Variants in MMP9 observed in about 807,000 individuals in gnomAD.
MMP9 encodes matrix metalloproteinase-9.
MMP9 carries 73 observed loss-of-function variants against 76.4 expected under a neutral mutation model. The ratio of observed to expected loss-of-function variants is 0.96; its 90% confidence interval spans 0.79 to 1.16. The LOEUF (loss-of-function observed/expected upper bound fraction) is 1.16. MMP9 is among the 50% of genes most tolerant of loss of function. The pLI is 0.00. For synonymous variants in MMP9, 412 were observed against 408.4 expected, an observed-to-expected ratio of 1.01 and a Z score of -0.11; for missense variants, 943 against 973.0, an observed-to-expected ratio of 0.97 and a Z score of 0.41.
rs200290639 is a variant in MMP9 at position 46,014,352 on chromosome 20, C to A, written c.1902-19C>A. On this transcript the variant is annotated intron_variant, in intron 11 of 12. Coordinates refer to ENST00000372330, the MANE Select transcript of MMP9 (RefSeq NM_004994.3). ...CCGCTAGCCGGCTCAGCACCTGTCTCCTCCGCGCCTGCCCGCAGGTTCGAC... is the reference window on the plus strand; with the variant it reads ...CCGCTAGCCGGCTCAGCACCTGTCTACTCCGCGCCTGCCCGCAGGTTCGAC... 70 of 1,545,544 alleles carry A rather than the reference C, an allele frequency of 4.5e-5. No homozygotes were observed. Among genetic ancestry groups the A allele is most frequent in the Non-Finnish European group, 5.0e-5 (57 of 1,146,884 alleles).
At chr20:46,014,088 G>A (rs1323980017) in intron 10 of MMP9, 36 bp from the exon 11 acceptor site, 2 of 1,533,936 alleles carry the variant, frequency 1.3e-6, no homozygotes, top group Non-Finnish European at 1.7e-6. Context: ...TGCTCCCTCT[G>A]CGCCCCCAAA....
In MMP9 at chr20:46,012,506, CATGTACCCT is replaced by C; in HGVS notation, c.1262_1270del (p.Pro421_Tyr423del). On this transcript the variant is annotated inframe_deletion, in exon 8 of 13. Coordinates refer to ENST00000372330, the MANE Select transcript of MMP9 (RefSeq NM_004994.3). ...ATCATTCCTCAGTGCCGGAGGCGCTCATGTACCCTATGTACCGCTTCACTGAGGGGCCCC... is the reference window on the plus strand; with the variant it reads ...ATCATTCCTCAGTGCCGGAGGCGCTCATGTACCGCTTCACTGAGGGGCCCC... 1.9e-6 allele frequency: 3 copies of C among 1,614,020 alleles called. No homozygotes were observed. Among genetic ancestry groups the C allele is most frequent in the Non-Finnish European group, 1.7e-6 (2 of 1,179,872 alleles).
Position 46,010,472 on chromosome 20 carries a change from T to TTA in MMP9, c.372-10_372-9dup, listed in dbSNP as rs1176654466. On this transcript the variant is annotated splice_polypyrimidine_tract_variant and intron_variant, in intron 2 of 12. Coordinates refer to ENST00000372330, the MANE Select transcript of MMP9 (RefSeq NM_004994.3). ...ACTTCTGACCTCCTTCCTCTGGCTC[T>TTA]TACGCTACAGGATCCAAAACTACTC... 33 of 1,613,904 alleles carry TTA rather than the reference T, an allele frequency of 2.0e-5. No individual in the cohort carries two copies. The Admixed American group carries it at 3.3e-4, about 16-fold the overall frequency.
Position 46,010,204 on chromosome 20 carries a change from A to G in MMP9, c.371+106A>G, listed in dbSNP as rs1352232605. On this transcript the variant is annotated intron_variant, in intron 2 of 12. Transcript: ENST00000372330. ...CTTGGACGCGTCCCTGGGTTTCACT[A>G]TTTAATGTGTGGCCCCTGGGGAGTG... 3.7e-6 allele frequency: 4 copies of G among 1,090,772 alleles called. No individual in the cohort carries two copies. In the African/African-American group the frequency reaches 4.7e-5, roughly 13 times the overall value. The allele number at this position is 1,090,772 out of a possible 1,614,324, so 67.6% of individuals were successfully genotyped here.
In MMP9 at chr20:46,013,339, C is replaced by A; in HGVS notation, c.1415C>A (p.Pro472His). 6.2e-7 allele frequency: 1 copy of A among 1,613,236 alleles called. No individual in the cohort carries two copies. The highest frequency in any genetic ancestry group is 8.5e-7 in the Non-Finnish European group (1 of 1,179,510). Residue 472 changes from proline (P) to histidine (H), a missense_variant, in exon 9 of 13, where the codon CCC becomes CAC. Pro to His is a moderately conservative substitution (Grantham distance 77). Coordinates refer to ENST00000372330, the MANE Select transcript of MMP9 (RefSeq NM_004994.3). The surrounding 1 kb of genome is among the most constrained non-coding windows in gnomAD (Gnocchi z 4.5). ...TAPPTVCPTG[P>H]PTVHPSERPT... Reference sequence around the variant, plus strand: ...CCCCCGACGGTCTGCCCCACCGGACCCCCCACTGTCCACCCCTCAGAGCGC... The same window carrying A: ...CCCCCGACGGTCTGCCCCACCGGACACCCCACTGTCCACCCCTCAGAGCGC...
intron 12 of MMP9, 90 bp from the exon 13 acceptor site, chr20:46,016,160 C>A: frequency 1.6e-6 from 2 of 1,220,604 alleles, no homozygotes; most frequent in Non-Finnish European, 2.4e-6. Context: ...CTAGAAATGG[C>A]AGAAGAGATG....
In MMP9 at chr20:46,009,020, C is replaced by A. The variant is rs756942448; in HGVS notation, c.94C>A (p.Pro32Thr). Residue 32 changes from proline (P) to threonine (T), a missense_variant, in exon 1 of 13, where the codon CCT becomes ACT. By Grantham distance (38) the Pro-to-Thr change is conservative (BLOSUM62 -1). Transcript: ENST00000372330. ...GCGCCAGTCCACCCTTGTGCTCTTC[C>A]CTGGAGACCTGAGAACCAATCTCAC... ...RQRQSTLVLF[P>T]GDLRTNLTDR... The A allele has an allele frequency of 6.2e-7, 1 of 1,613,930 alleles. No individual in the cohort carries two copies. Among genetic ancestry groups the A allele is most frequent in the Non-Finnish European group, 8.5e-7 (1 of 1,179,960 alleles).
chr20:46,011,324 AG>A lies in MMP9; in HGVS notation c.823+13del, dbSNP rs750974957. 7.5e-6 allele frequency: 12 copies of A among 1,599,644 alleles called. No individual in the cohort carries two copies. In the South Asian group the frequency reaches 1.2e-4, roughly 16 times the overall value. ...GCTTCTGCCCCAGCGAGAGTGAGTG[AG>A]GGGGCTCGCCGAGGGCTGGGGGCGC... On this transcript the variant is annotated intron_variant, in intron 5 of 12. Coordinates refer to ENST00000372330, the MANE Select transcript of MMP9 (RefSeq NM_004994.3).
At chr20:46,009,763 G>A (rs540502908) in intron 1 of MMP9, 103 bp from the exon 2 acceptor site, 21 of 1,034,294 alleles carry the variant, frequency 2.0e-5, no homozygotes, top group Non-Finnish European at 2.7e-5. Context: ...AAAAGAAAAA[G>A]AAAAAAGACT....
At position 46,011,880 on chromosome 20, in the gene MMP9, C is replaced by T. The variant is rs961822277; in HGVS notation, c.997+133C>T. Reference sequence around the variant, plus strand: ...CTCAGGACGACCGTGACTCCGCCCACCTACACCACATTTCCACCACTATCC... The same window carrying T: ...CTCAGGACGACCGTGACTCCGCCCATCTACACCACATTTCCACCACTATCC... On this transcript the variant is annotated intron_variant, in intron 6 of 12. Transcript: ENST00000372330. The T allele has an allele frequency of 7.0e-5, 82 of 1,169,642 alleles. 1 individual carries two copies. The Admixed American group carries it at 1.6e-3, about 23-fold the overall frequency. The allele number at this position is 1,169,642 out of a possible 1,614,324, so 72.5% of individuals were successfully genotyped here.
chr20:46,010,991 G>A lies in MMP9; in HGVS notation c.590G>A (p.Gly197Asp). Reference protein sequence around the residue: ...LLAHAFPPGPGIQGDAHFDDD... With the variant: ...LLAHAFPPGPDIQGDAHFDDD... ...GCACACGCCTTTCCTCCTGGCCCCG[G>A]CATTCAGGGAGACGCCCATTTCGAC... is the stretch of plus-strand genomic sequence containing the variant. Residue 197 changes from glycine to aspartate, a missense_variant, in exon 4 of 13, where the codon GGC (glycine) becomes GAC (aspartate). Transcript: ENST00000372330. The A allele has an allele frequency of 6.2e-7, 1 of 1,614,158 alleles. No homozygotes were observed. Among genetic ancestry groups the A allele is most frequent in the Non-Finnish European group, 8.5e-7 (1 of 1,180,044 alleles).
At chr20:46,010,321 CAA>C (rs58031394) in intron 2 of MMP9, among the ~76,000 whole-genome samples, 160 bp from the exon 3 acceptor site, 50 of 62,482 alleles carry the variant, frequency 8.0e-4, no homozygotes, top group South Asian at 4.8e-3. Context: ...TCTAAGTAGA[CAA>C]AAAAAAAAAA....
chr20:46,014,962 C>T (rs2084309776), intron 12 of MMP9, among the ~76,000 whole-genome samples: 1 of 152,206 alleles, frequency 6.6e-6, no homozygotes, highest in Non-Finnish European at 1.5e-5. Context: ...AACAAGATTT[C>T]CTGCCACCAA....
intron 5 of MMP9, 75 bp downstream of exon 5, chr20:46,011,391 C>T (rs1207822402): frequency 1.3e-6 from 2 of 1,577,764 alleles, no homozygotes; most frequent in African/African-American, 2.7e-5. Context: ...TCCAGCTCTG[C>T]CACTAGTGCT....
In MMP9 at chr20:46,012,427, G is replaced by A. The variant is rs763938898; in HGVS notation, c.1175G>A (p.Gly392Glu). 2.5e-6 allele frequency: 4 copies of A among 1,614,004 alleles called. No homozygotes were observed. Among genetic ancestry groups the A allele is most frequent in the Non-Finnish European group, 3.4e-6 (4 of 1,180,000 alleles). Residue 392 changes from glycine (G) to glutamate (E), a missense_variant and splice_region_variant, in exon 8 of 13, where the codon GGA becomes GAA. Coordinates refer to ENST00000372330, the MANE Select transcript of MMP9 (RefSeq NM_004994.3). ...CGTCTCAGGCTCCCTCTCCCTCCAG[G>A]ATACAGTTTGTTCCTCGTGGCGGCG... Reference protein sequence around the residue: ...DKKWGFCPDQGYSLFLVAAHE... With the variant: ...DKKWGFCPDQEYSLFLVAAHE...
Position 46,013,964 on chromosome 20 carries a change from C to A in MMP9, c.1751-160C>A. 1 of 1,391,730 alleles carries A rather than the reference C, an allele frequency of 7.2e-7. No individual in the cohort carries two copies. The highest frequency in any genetic ancestry group is 9.7e-7 in the Non-Finnish European group (1 of 1,027,486). 86.2% of individuals were successfully genotyped at this position (1,391,730 alleles called of 1,614,324 possible). ...CGGCTGAGTTTCTGCCCCCTCCTCT[C>A]CACGCCCTCGCGTCGCTCTACCCAG... On this transcript the variant is annotated intron_variant, in intron 10 of 12. Transcript: ENST00000372330. This position sits in a 1 kb window ranked among gnomAD's most constrained non-coding sequence, Gnocchi z 4.5.
Position 46,008,996 on chromosome 20 carries a change from C to T in MMP9, c.70C>T (p.Arg24Cys), listed in dbSNP as rs144023823. ...LGCCFAAPRQ[R>C]QSTLVLFPGD... ...CTGCTGCTTTGCTGCCCCCAGACAG[C>T]GCCAGTCCACCCTTGTGCTCTTCCC... is the stretch of plus-strand genomic sequence containing the variant. The change falls in exon 1 of 13, where the codon CGC becomes TGC. Residue 24 changes from arginine to cysteine, a missense_variant. Physicochemically the swap from Arg to Cys is radical, Grantham distance 180. Coordinates refer to ENST00000372330, the MANE Select transcript of MMP9 (RefSeq NM_004994.3). The T allele has an allele frequency of 4.1e-3, 6,586 of 1,613,976 alleles. 26 individuals carry two copies. The highest frequency in any genetic ancestry group is 4.6e-3 in the Non-Finnish European group (5,435 of 1,179,946).
intron 3 of MMP9, 107 bp downstream of exon 3, chr20:46,010,738 C>T (rs150464774): frequency 1.9e-6 from 3 of 1,541,418 alleles, no homozygotes; most frequent in African/African-American, 1.4e-5. Flanking sequence ...CTTGCCTGCC[C>T]GCGCTGCCCT....
Position 46,014,516 on chromosome 20 carries a change from G to C in MMP9, c.2005+42G>C. ...ATCCCTTCGTGAGACACCACACTAA[G>C]CTCCTCTTAGTGAGTGGTCAAATTC... is the stretch of plus-strand genomic sequence containing the variant. On this transcript the variant is annotated intron_variant, in intron 12 of 12. Transcript: ENST00000372330. The C allele has an allele frequency of 2.0e-6, 3 of 1,524,448 alleles. No homozygotes were observed. In the South Asian group the frequency reaches 3.6e-5, roughly 18 times the overall value. The allele number at this position is 1,524,448 out of a possible 1,614,324, so 94.4% of individuals were successfully genotyped here.
Sources: gnomAD v4.1 joint callset for allele counts (sites outside exome capture counted in the v4.1 genomes callset) on GRCh38, gnomAD v4.1.1 for gene constraint, Gnocchi (gnomAD v3.1) non-coding constraint, MANE v1.5 for transcripts, NCBI Gene and HGNC (gene_info 2026-07-23, HGNC 2026-07-21) for gene names.